PCDH11Y: variants seen among roughly 807,000 people sequenced by gnomAD.
PCDH11Y encodes the protein protocadherin-11 Y-linked.
For missense variants in PCDH11Y, 12 were observed against 224.8 expected (o/e 0.05, Z 6.05); for synonymous variants, 9 against 83.6 (o/e 0.11, Z 4.87).
intron 2 of PCDH11Y, among the ~76,000 whole-genome samples, chrY:5,330,866 G>T: frequency 3.0e-5 from 1 of 33,040 alleles, no homozygotes; most frequent in Non-Finnish European, 7.5e-5. Context: ...TATGACTATT[G>T]AACAATTCTG....
At chrY:5,298,672 A>G in intron 2 of PCDH11Y, among the ~76,000 whole-genome samples, 1 of 33,816 alleles carries the variant, frequency 3.0e-5, no homozygotes, top group Non-Finnish European at 7.4e-5. Context: ...GCATGATTTT[A>G]TAATAATCTG....
intron 4 of PCDH11Y, among the ~76,000 whole-genome samples, chrY:5,604,484 C>T (rs2124700000): frequency 3.7e-4 from 12 of 32,467 alleles, no homozygotes; most frequent in Admixed American, 1.1e-3. Context: ...TGCATTCCTC[C>T]CGGTATTGCA....
At chrY:5,443,875 C>T in intron 2 of PCDH11Y, among the ~76,000 whole-genome samples, 2 of 33,036 alleles carry the variant, frequency 6.1e-5, no homozygotes, top group African/African-American at 2.4e-4. Context: ...ACAAACTTCA[C>T]ATGTTCTCAC....
chrY:5,407,913 CAAAAAAAAAAAA>C (rs772153672), intron 2 of PCDH11Y, among the ~76,000 whole-genome samples: 1 of 2,515 alleles, frequency 4.0e-4, no homozygotes, highest in African/African-American at 1.5e-3. Flanking sequence ...GACTCCGTCT[CAAAAAAAAAAAA>C]AAAAAAAAAA....
chrY:5,562,659 G>T lies in PCDH11Y; in HGVS notation c.3329-19116G>T. On this transcript the variant is annotated intron_variant, in intron 3 of 4. Transcript: ENST00000400457. ...GCCTGTAGTCCCAGCTACTCGGGAG[G>T]CTGAGGCAGGAGAATGGCGTGAACC... is the stretch of plus-strand genomic sequence containing the variant. Among the ~76,000 whole-genome samples, 3 of 27,427 alleles carry T rather than the reference G, an allele frequency of 1.1e-4. No homozygotes were observed. The East Asian group carries it at 2.8e-3, about 25-fold the overall frequency. 73.6% of individuals were successfully genotyped at this position (27,427 alleles called of 37,273 possible).
At chrY:5,117,876 AT>A (rs2052813204) in intron 2 of PCDH11Y, among the ~76,000 whole-genome samples, 1 of 31,359 alleles carries the variant, frequency 3.2e-5, no homozygotes, top group Non-Finnish European at 7.6e-5. Flanking sequence ...ATATGTATAT[AT>A]TTATGTGTAT....
intron 4 of PCDH11Y, among the ~76,000 whole-genome samples, chrY:5,689,981 A>G: frequency 7.8e-5 from 2 of 25,585 alleles, no homozygotes; most frequent in African/African-American, 3.0e-4. Context: ...CTCAAGTCCA[A>G]TTATTTTTGA....
intron 4 of PCDH11Y, among the ~76,000 whole-genome samples, chrY:5,648,741 C>G (rs199569311): frequency 0.11 from 3,003 of 27,517 alleles, no homozygotes; most frequent in East Asian, 0.85. Context: ...CTCAGAGTAG[C>G]ATTGAGATGG....
chrY:5,567,344 A>C, intron 3 of PCDH11Y, among the ~76,000 whole-genome samples: 1 of 31,951 alleles, frequency 3.1e-5, no homozygotes, highest in Non-Finnish European at 7.6e-5. Flanking sequence ...TGAAAACTGT[A>C]CCTACTTGCT....
At chrY:5,166,447 G>A (rs2052879380) in intron 2 of PCDH11Y, among the ~76,000 whole-genome samples, 1 of 23,932 alleles carries the variant, frequency 4.2e-5, no homozygotes, top group Non-Finnish European at 9.6e-5. Context: ...ATCAAGCCAT[G>A]AAAAGACATG....
At chrY:5,435,607 C>T in intron 2 of PCDH11Y, among the ~76,000 whole-genome samples, 1 of 32,584 alleles carries the variant, frequency 3.1e-5, no homozygotes, top group Non-Finnish European at 7.5e-5. Flanking sequence ...TGAGCCACCG[C>T]GCCCGGCCGT....
chrY:5,584,710 G>C (rs2124697721), intron 4 of PCDH11Y, among the ~76,000 whole-genome samples: 5 of 28,237 alleles, frequency 1.8e-4, no homozygotes, highest in Admixed American at 1.7e-3. Flanking sequence ...GCACCCATTA[G>C]TTGTTTTTCC....
intron 4 of PCDH11Y, among the ~76,000 whole-genome samples, chrY:5,642,762 C>T: frequency 3.0e-5 from 1 of 33,248 alleles, no homozygotes; most frequent in Non-Finnish European, 7.4e-5. Flanking sequence ...TATGTGACCA[C>T]CAAAATTCCC....
intron 3 of PCDH11Y, among the ~76,000 whole-genome samples, chrY:5,048,436 C>G: frequency 6.1e-5 from 2 of 32,810 alleles, no homozygotes; most frequent in Non-Finnish European, 1.5e-4. Context: ...GATTACTGGT[C>G]AAATGGTAGT....
At chrY:5,299,988 T>TGCAGGTGGCTTTTGAAC (rs2053080113) in intron 2 of PCDH11Y, among the ~76,000 whole-genome samples, 1 of 30,071 alleles carries the variant, frequency 3.3e-5, no homozygotes, top group Non-Finnish European at 8.0e-5. Context: ...CACCTTTGAA[T>TGCAGGTGGCTTTTGAAC]GCAGGTGGCT....
At chrY:5,195,143 AAT>A (rs2052917393) in intron 2 of PCDH11Y, among the ~76,000 whole-genome samples, 1 of 33,083 alleles carries the variant, frequency 3.0e-5, no homozygotes, top group Non-Finnish European at 7.4e-5. Flanking sequence ...ACCTCTCAAT[AAT>A]ACCTCTCTTA....
chrY:5,639,132 C>G, intron 4 of PCDH11Y, among the ~76,000 whole-genome samples: 1 of 31,184 alleles, frequency 3.2e-5, no homozygotes, highest in Non-Finnish European at 7.7e-5. Context: ...ATAATACTGA[C>G]AAACATTAAG....
chrY:5,528,239 A>G, intron 3 of PCDH11Y, among the ~76,000 whole-genome samples: 1 of 32,985 alleles, frequency 3.0e-5, no homozygotes, highest in East Asian at 8.0e-4. Context: ...TAGAAACGTC[A>G]TACTTTTTTA....
intron 2 of PCDH11Y, among the ~76,000 whole-genome samples, chrY:5,382,762 T>C: frequency 5.9e-5 from 2 of 33,724 alleles, no homozygotes; most frequent in South Asian, 1.3e-3. Flanking sequence ...ATTTTTATAA[T>C]ATCAATAAAC....
Sources: gnomAD v4.1 joint callset for allele counts (sites outside exome capture counted in the v4.1 genomes callset) on GRCh38, gnomAD v4.1.1 for gene constraint, MANE v1.5 for transcripts, NCBI Gene and HGNC (gene_info 2026-07-23, HGNC 2026-07-21) for gene names.